TNIK: variants seen among roughly 807,000 people sequenced by gnomAD.
The protein encoded by TNIK is TRAF2 and NCK interacting kinase, also known as TRAF2 and NCK-interacting protein kinase.
In TNIK, 49 loss-of-function variants were observed where a neutral mutation model predicts 191.3. The observed-to-expected ratio is 0.26, with a 90% confidence interval of 0.20 to 0.32. The LOEUF is 0.32. Among genes scored for constraint, TNIK ranks in the 10% least tolerant of loss-of-function variants. The pLI, the probability that TNIK is intolerant of heterozygous loss-of-function variation, is 1.00. For missense variants in TNIK, 1,155 were observed against 1,702.3 expected, an observed-to-expected ratio of 0.68 and a Z score of 5.66; for synonymous variants, 594 against 600.9, an observed-to-expected ratio of 0.99 and a Z score of 0.17.
intron 9 of TNIK, among the ~76,000 whole-genome samples, chr3:171,169,760 AATTAGTT>A (rs1454506385): frequency 3.3e-5 from 5 of 152,232 alleles, no homozygotes; most frequent in African/African-American, 1.2e-4. Flanking sequence ...AGTTTAATGA[AATTAGTT>A]ATTAAACAGA....
intron 21 of TNIK, among the ~76,000 whole-genome samples, chr3:171,106,240 C>T (rs1003056800): frequency 1.6e-4 from 24 of 152,204 alleles, no homozygotes; most frequent in African/African-American, 4.8e-4. Flanking sequence ...AAAATGCTTT[C>T]ACACACATTA....
chr3:171,323,624 T>A (rs578058846), intron 2 of TNIK, among the ~76,000 whole-genome samples: 2 of 152,166 alleles, frequency 1.3e-5, no homozygotes, highest in Non-Finnish European at 2.9e-5. Context: ...TGAAAGTACA[T>A]ATCAGGGGAA....
At chr3:171,197,085 T>TA (rs1738787047) in intron 4 of TNIK, among the ~76,000 whole-genome samples, 1 of 152,232 alleles carries the variant, frequency 6.6e-6, no homozygotes, top group African/African-American at 2.4e-5. Flanking sequence ...AATGGTACTG[T>TA]AGTTTTGTAA....
In TNIK at chr3:171,332,099, G is replaced by A. The variant is rs146618183; in HGVS notation, c.123+37521C>T. The stretch of plus-strand genomic sequence containing the variant: ...CTATTTGGAAAAGTATAGAGAAGAC[G>A]GAAAATCACCTATAAAAATAGGCAT... On this transcript the variant is annotated intron_variant, in intron 2 of 32. Coordinates refer to ENST00000436636, the MANE Select transcript of TNIK (RefSeq NM_015028.4). Among the ~76,000 whole-genome samples the A allele has an allele frequency of 2.2e-3, 327 of 152,066 alleles. 1 individual carries two copies. Among genetic ancestry groups the A allele is most frequent in the African/African-American group, 7.2e-3 (297 of 41,488 alleles).
At chr3:171,316,345 A>G (rs956349041) in intron 2 of TNIK, among the ~76,000 whole-genome samples, 2 of 152,202 alleles carry the variant, frequency 1.3e-5, no homozygotes, top group African/African-American at 4.8e-5. Context: ...ATAGGCCAAC[A>G]AGGAGGAATA....
chr3:171,331,667 A>G (rs1228171866), intron 2 of TNIK, among the ~76,000 whole-genome samples: 2 of 152,240 alleles, frequency 1.3e-5, no homozygotes, highest in Non-Finnish European at 2.9e-5. Context: ...ATTCATTTAA[A>G]TCACTTTAGG....
At position 171,257,656 on chromosome 3, in the gene TNIK, C is replaced by T. The variant is rs114206755; in HGVS notation, c.124-29435G>A. Among the ~76,000 whole-genome samples the T allele has an allele frequency of 1.2e-3, 180 of 152,306 alleles. 1 individual carries two copies. The highest frequency in any genetic ancestry group is 1.9e-3 in the Non-Finnish European group (129 of 68,028). ...AACCCATGCCACTTTCAAAGCCTAG[C>T]TGGGGTTCCCACCAGCAACAAAGAG... is the stretch of plus-strand genomic sequence containing the variant. On this transcript the variant is annotated intron_variant, in intron 2 of 32. Transcript: ENST00000436636.
intron 18 of TNIK, among the ~76,000 whole-genome samples, chr3:171,118,873 G>C (rs1170950309): frequency 6.6e-6 from 1 of 152,128 alleles, no homozygotes; most frequent in Non-Finnish European, 1.5e-5. Context: ...CAGGACATAG[G>C]CATGGACAAG....
intron 1 of TNIK, among the ~76,000 whole-genome samples, chr3:171,453,429 C>T (rs1560093367): frequency 1.3e-5 from 2 of 151,938 alleles, no homozygotes; most frequent in South Asian, 2.1e-4. Context: ...CCCTACAGAG[C>T]ATCCATGGGG....
At chr3:171,270,557 C>T (rs916221953) in intron 2 of TNIK, among the ~76,000 whole-genome samples, 2 of 152,134 alleles carry the variant, frequency 1.3e-5, no homozygotes, top group Non-Finnish European at 2.9e-5. Context: ...AAGTAAAATT[C>T]GTCTCTAATC....
At chr3:171,320,052 T>C (rs1755017252) in intron 2 of TNIK, among the ~76,000 whole-genome samples, 1 of 152,180 alleles carries the variant, frequency 6.6e-6, no homozygotes, top group South Asian at 2.1e-4. Context: ...TGACTGCTCA[T>C]GCCTGCAAAA....
intron 2 of TNIK, among the ~76,000 whole-genome samples, chr3:171,249,815 C>T (rs1218027024): frequency 6.6e-6 from 1 of 152,172 alleles, no homozygotes; most frequent in African/African-American, 2.4e-5. Flanking sequence ...ACCAATCCAA[C>T]CCACCCAACC....
intron 15 of TNIK, among the ~76,000 whole-genome samples, chr3:171,134,373 C>T (rs1449693599): frequency 1.3e-5 from 2 of 152,082 alleles, no homozygotes; most frequent in East Asian, 1.9e-4. Flanking sequence ...GCAGTCTCAA[C>T]CTCCCAGGCT....
chr3:171,285,187 A>G (rs1384310636), intron 2 of TNIK, among the ~76,000 whole-genome samples: 1 of 152,254 alleles, frequency 6.6e-6, no homozygotes, highest in Admixed American at 6.5e-5. Context: ...CTTCATTCAT[A>G]AAATTCAAGC....
At chr3:171,181,211 GT>G (rs1469583089) in intron 7 of TNIK, among the ~76,000 whole-genome samples, 12 of 152,208 alleles carry the variant, frequency 7.9e-5, no homozygotes, top group African/African-American at 2.7e-4. Flanking sequence ...CATGCAGACT[GT>G]TGCTCAGAGC....
chr3:171,067,717 A>T (rs1020626616), intron 30 of TNIK, among the ~76,000 whole-genome samples: 45 of 152,018 alleles, frequency 3.0e-4, no homozygotes, highest in Middle Eastern at 3.4e-3. Context: ...GTGTATATTA[A>T]TTTGTTCTAG....
At chr3:171,117,337 T>G (rs1726889153) in intron 18 of TNIK, among the ~76,000 whole-genome samples, 1 of 152,172 alleles carries the variant, frequency 6.6e-6, no homozygotes, top group Admixed American at 6.6e-5. Flanking sequence ...TGCTTAAGAA[T>G]GTAGACTTTG....
intron 12 of TNIK, among the ~76,000 whole-genome samples, chr3:171,157,172 A>G (rs6781772): frequency 0.98 from 149,961 of 152,310 alleles, 73,832 homozygotes; most frequent in East Asian, 1. Context: ...GGAGGGAGGG[A>G]CTGTGACTTT....
At chr3:171,139,189 C>G (rs531292999) in intron 14 of TNIK, among the ~76,000 whole-genome samples, 1 of 152,126 alleles carries the variant, frequency 6.6e-6, no homozygotes, top group South Asian at 2.1e-4. Context: ...TATAATAAGG[C>G]TGGATTTATA....
Sources: allele counts gnomAD v4.1 joint callset (sites outside exome capture counted in the v4.1 genomes callset), GRCh38; gene constraint gnomAD v4.1.1; transcripts MANE v1.5; gene names NCBI Gene and HGNC (gene_info 2026-07-23, HGNC 2026-07-21).